The following SGCE variants were observed in gnomAD, a reference collection of about 807,000 sequenced individuals.
The protein encoded by SGCE is epsilon-sarcoglycan.
In SGCE, 26 loss-of-function variants were observed where a neutral mutation model predicts 57.8. The observed-to-expected ratio is 0.45, with a 90% CI of 0.33 to 0.62. The LOEUF is 0.62. Ranked by LOEUF, SGCE falls within the 20% of genes least tolerant of loss-of-function variation. The pLI, the probability that SGCE is intolerant of heterozygous loss-of-function variation, is 0.02. For synonymous variants in SGCE, 183 were observed against 189.5 expected, an observed-to-expected ratio of 0.97 and a Z score of 0.28; for missense variants, 468 against 548.6, an observed-to-expected ratio of 0.85 and a Z score of 1.47.
chr7:94,632,513 C>T (rs2116994102), intron 1 of SGCE, among the ~76,000 whole-genome samples: 1 of 152,186 alleles, frequency 6.6e-6, no homozygotes, highest in Middle Eastern at 3.4e-3. Flanking sequence ...TTGGCAACTC[C>T]ACAGTAAAGG....
chr7:94,596,258 G>GCAAAATTT (rs1245221997), intron 9 of SGCE, among the ~76,000 whole-genome samples: 2 of 152,068 alleles, frequency 1.3e-5, no homozygotes, highest in Non-Finnish European at 2.9e-5. Context: ...TAGCAACATT[G>GCAAAATTT]CAAAATTCTA....
Position 94,598,818 on chromosome 7 carries a change from C to A in SGCE, c.1210G>T (p.Asp404Tyr). ...TGEIIPPLHT[D>Y]NYDSTNMPLM... ...GGCATGTTTGTGCTATCATAGTTGT[C>A]TGTGTGTAAAGGAGGTATGATTTCC... The change falls in exon 9 of 11, where the codon GAC (aspartate) becomes TAC (tyrosine). Residue 404 changes from aspartate to tyrosine, a missense_variant. By Grantham distance (160) the Asp-to-Tyr change is radical. Transcript: ENST00000648936. 1.9e-6 allele frequency: 3 copies of A among 1,613,490 alleles called. No homozygotes were observed. The highest frequency in any genetic ancestry group is 2.5e-6 in the Non-Finnish European group (3 of 1,179,520).
intron 5 of SGCE, among the ~76,000 whole-genome samples, chr7:94,604,853 ATATAT>A (rs1799851925): frequency 3.1e-5 from 3 of 97,942 alleles, no homozygotes; most frequent in African/African-American, 4.5e-5. Flanking sequence ...ATATATATAT[ATATAT>A]AATAGTTGTT....
chr7:94,613,153 C>T (rs913044558), intron 5 of SGCE, among the ~76,000 whole-genome samples: 3 of 152,152 alleles, frequency 2.0e-5, no homozygotes, highest in Admixed American at 6.5e-5. Context: ...TGCTCAGAAG[C>T]AGGAGATATT....
chr7:94,592,598 T>C (rs1797856331), intron 9 of SGCE, among the ~76,000 whole-genome samples: 1 of 152,276 alleles, frequency 6.6e-6, no homozygotes, highest in Non-Finnish European at 1.5e-5. Flanking sequence ...ATTGTGTAAA[T>C]TAGTCATTGC....
chr7:94,600,764 A>C lies in SGCE; in HGVS notation c.919T>G (p.Ser307Ala), dbSNP rs1427466331. 1 of 1,613,774 alleles carries C rather than the reference A, an allele frequency of 6.2e-7. No homozygotes were observed. The highest frequency in any genetic ancestry group is 1.3e-5 in the African/African-American group (1 of 75,036). Residue 307 changes from serine (S) to alanine (A), a missense_variant, in exon 7 of 11, where the codon TCT becomes GCT. Physicochemically the swap from Ser to Ala is moderately conservative, Grantham distance 99. Transcript: ENST00000648936. ...GTGTAATAGTCTCTGCTTTTCAAAG[A>C]ATCAGAAGGGGGTTTGTATTCTCCA... ...DGGEYKPPSD[S>A]LKSRDYYTDF...
intron 1 of SGCE, among the ~76,000 whole-genome samples, chr7:94,651,678 A>G (rs1248934841): frequency 6.6e-6 from 1 of 152,246 alleles, no homozygotes; most frequent in South Asian, 2.1e-4. Flanking sequence ...TACAACATCA[A>G]TGGAAATGGT....
In SGCE at chr7:94,585,425, G is replaced by A; in HGVS notation, c.*74C>T. On this transcript the variant is annotated 3_prime_UTR_variant, in exon 11 of 11. Coordinates refer to ENST00000648936, the MANE Select transcript of SGCE (RefSeq NM_003919.3). Reference sequence around the variant, plus strand: ...TGCCAGAAAAGCTCATGCATTATTGGAAGAGAAAAGAAATGTGATGTAACT... The same window carrying A: ...TGCCAGAAAAGCTCATGCATTATTGAAAGAGAAAAGAAATGTGATGTAACT... 7.4e-7 allele frequency: 1 copy of A among 1,355,844 alleles called. No individual in the cohort carries two copies. Among genetic ancestry groups the A allele is most frequent in the East Asian group, 2.3e-5 (1 of 43,526 alleles). The allele number at this position is 1,355,844 out of a possible 1,614,324, so 84.0% of individuals were successfully genotyped here.
chr7:94,602,472 C>A (rs1799415424), intron 6 of SGCE, among the ~76,000 whole-genome samples: 1 of 151,652 alleles, frequency 6.6e-6, no homozygotes, highest in Admixed American at 6.6e-5. Flanking sequence ...GTTCAAATGT[C>A]AACTTTAAAC....
At chr7:94,617,160 C>A (rs548292269) in intron 5 of SGCE, 11 of 152,170 alleles carry the variant, frequency 7.2e-5, no homozygotes, top group Non-Finnish European at 1.5e-4. Context: ...CTAGGGGGAA[C>A]AAAGGCCAGG....
intron 6 of SGCE, among the ~76,000 whole-genome samples, chr7:94,602,817 C>T (rs1016779560): frequency 6.6e-6 from 1 of 152,122 alleles, no homozygotes; most frequent in Non-Finnish European, 1.5e-5. Flanking sequence ...ACTTTCTTCA[C>T]TTGGAATTGT....
chr7:94,650,428 G>C (rs1376920895), intron 1 of SGCE, among the ~76,000 whole-genome samples: 1 of 151,516 alleles, frequency 6.6e-6, no homozygotes, highest in Non-Finnish European at 1.5e-5. Flanking sequence ...AATTAAGCAA[G>C]TTAAGACACT....
rs369561540 is a variant in SGCE, at chr7:94,654,381, C to T, written c.109+1609G>A. 8.5e-5 allele frequency among the ~76,000 whole-genome samples: 13 copies of T among 152,162 alleles called. 2 individuals carry two copies. Among genetic ancestry groups the T allele is most frequent in the African/African-American group, 3.1e-4 (13 of 41,522 alleles). ...TTTAGAAAAATAATGTCTCAGTTAACTAGGTGAAGTAACTTTCGAATTTAA... is the reference window on the plus strand; with the variant it reads ...TTTAGAAAAATAATGTCTCAGTTAATTAGGTGAAGTAACTTTCGAATTTAA... On this transcript the variant is annotated intron_variant, in intron 1 of 10. Transcript: ENST00000648936.
intron 4 of SGCE, chr7:94,622,444 A>G (rs984202986): frequency 6.6e-6 from 1 of 152,246 alleles, no homozygotes; most frequent in Non-Finnish European, 1.5e-5. Flanking sequence ...CCTGGCCAAC[A>G]TGGTGAAACC....
At chr7:94,635,378 C>A (rs1805462721) in intron 1 of SGCE, among the ~76,000 whole-genome samples, 1 of 152,158 alleles carries the variant, frequency 6.6e-6, no homozygotes, top group Non-Finnish European at 1.5e-5. Flanking sequence ...TACTAAACAG[C>A]CACCTATCTG....
intron 9 of SGCE, chr7:94,598,562 G>A (rs1370709608): frequency 4.9e-5 from 28 of 575,986 alleles, no homozygotes; most frequent in Non-Finnish European, 8.4e-5. Context: ...ATGTAGTCTT[G>A]TTTGGATCAG....
intron 5 of SGCE, among the ~76,000 whole-genome samples, chr7:94,614,789 T>C (rs1401934083): frequency 1.3e-5 from 2 of 152,166 alleles, no homozygotes; most frequent in Non-Finnish European, 2.9e-5. Flanking sequence ...CAAGCCTAGA[T>C]TGTGTTTTTA....
chr7:94,601,467 A>C (rs1200019661), intron 6 of SGCE, among the ~76,000 whole-genome samples: 3 of 118,790 alleles, frequency 2.5e-5, no homozygotes, highest in Non-Finnish European at 5.8e-5. Context: ...AAAAAAAAAA[A>C]AAAAAAAAAC....
In SGCE at chr7:94,600,740, T is replaced by C. The variant is rs2116694516; in HGVS notation, c.943A>G (p.Thr315Ala). Residue 315 changes from threonine to alanine, a missense_variant, in exon 7 of 11, where the codon ACG becomes GCG. Thr to Ala is a moderately conservative substitution (Grantham distance 58). Coordinates refer to ENST00000648936, the MANE Select transcript of SGCE (RefSeq NM_003919.3). ...ACAGCCAGTGTAATTAGGAAATCCG[T>C]GTAATAGTCTCTGCTTTTCAAAGAA... ...SDSLKSRDYY[T>A]DFLITLAVPS... 1 of 1,613,778 alleles carries C rather than the reference T, an allele frequency of 6.2e-7. No homozygotes were observed. Among genetic ancestry groups the C allele is most frequent in the East Asian group, 2.2e-5 (1 of 44,842 alleles).
Sources: allele counts gnomAD v4.1 joint callset (sites outside exome capture counted in the v4.1 genomes callset), GRCh38; gene constraint gnomAD v4.1.1; transcripts MANE v1.5; gene names NCBI Gene and HGNC (gene_info 2026-07-23, HGNC 2026-07-21).